Variants in INPP5D observed in about 807,000 individuals in gnomAD.
The protein encoded by INPP5D is inositol polyphosphate-5-phosphatase D.
INPP5D carries 33 observed loss-of-function variants against 122.9 expected under a neutral mutation model. That is an observed-to-expected ratio of 0.27 (90% CI 0.20 to 0.36). The LOEUF is 0.36. Among genes scored for constraint, INPP5D ranks in the 10% least tolerant of loss-of-function variants. The probability of loss-of-function intolerance (pLI) is 1.00; values close to 1 mark genes in which losing one functional copy is unlikely to be tolerated. For synonymous variants in INPP5D, 584 were observed against 576.2 expected, an observed-to-expected ratio of 1.01 and a Z score of -0.19; for missense variants, 1,053 against 1,412.7, an observed-to-expected ratio of 0.75 and a Z score of 4.08.
chr2:233,145,984 A>G (rs750194501), intron 6 of INPP5D, 178 bp from the exon 7 acceptor site: 36 of 700,978 alleles, frequency 5.1e-5, no homozygotes, highest in South Asian at 1.8e-4. Context: ...GGCCATGTGA[A>G]TTCTGAGAAG....
At chr2:233,182,969 A>G (rs1694821682) in intron 19 of INPP5D, among the ~76,000 whole-genome samples, 1 of 152,222 alleles carries the variant, frequency 6.6e-6, no homozygotes, top group African/African-American at 2.4e-5. Context: ...GTCTATTTAG[A>G]GAAAATATGA....
chr2:233,123,979 G>A (rs1266412803), intron 3 of INPP5D, among the ~76,000 whole-genome samples: 1 of 152,158 alleles, frequency 6.6e-6, no homozygotes, highest in Non-Finnish European at 1.5e-5. Context: ...GGTGGGAGGA[G>A]GGACAGGATC....
At chr2:233,125,120 G>A (rs1693118604) in intron 3 of INPP5D, among the ~76,000 whole-genome samples, 3 of 152,266 alleles carry the variant, frequency 2.0e-5, no homozygotes, top group Admixed American at 1.3e-4. Context: ...TCCTAAAGGC[G>A]ATGGGTGGGC....
intron 2 of INPP5D, chr2:233,120,502 A>G (rs1408139352): frequency 6.6e-6 from 1 of 152,268 alleles, no homozygotes; most frequent in Non-Finnish European, 1.5e-5. Context: ...TAAAATAAAC[A>G]ATCTGAAAGT....
At chr2:233,199,071 G>A (rs1403196609) in intron 25 of INPP5D, among the ~76,000 whole-genome samples, 2 of 151,680 alleles carry the variant, frequency 1.3e-5, no homozygotes, top group African/African-American at 2.4e-5. Context: ...CCAACGTGGT[G>A]AAACCCCGTC....
In INPP5D at chr2:233,189,768, ATCT is replaced by A; in HGVS notation, c.2359-79_2359-77del. On this transcript the variant is annotated intron_variant, in intron 21 of 26. Coordinates refer to ENST00000445964, the MANE Select transcript of INPP5D (RefSeq NM_001017915.3). The surrounding 1 kb of genome is among the most constrained non-coding windows in gnomAD (Gnocchi z 5.6). The stretch of plus-strand genomic sequence containing the variant: ...CTGATTACTAAGAACACCTTTCGTC[ATCT>A]TCATCCACTTGTCCACCCACCTGTC... 6.4e-7 allele frequency: 1 copy of A among 1,560,404 alleles called. No individual in the cohort carries two copies.
intron 14 of INPP5D, 36 bp downstream of exon 14, chr2:233,169,437 G>C: frequency 1.3e-6 from 2 of 1,561,736 alleles, no homozygotes. Context: ...GTGTGCATTT[G>C]GGCTGTCTGC....
chr2:233,179,543 G>A (rs867023229), intron 18 of INPP5D, among the ~76,000 whole-genome samples: 15 of 152,224 alleles, frequency 9.9e-5, no homozygotes, highest in Admixed American at 5.9e-4. Context: ...GGAGCAGGAA[G>A]GACACCCTTT....
At position 233,161,707 on chromosome 2, in the gene INPP5D, T is replaced by C. The variant is rs1256695653; in HGVS notation, c.1138-17T>C. On this transcript the variant is annotated splice_polypyrimidine_tract_variant and intron_variant, in intron 10 of 26. Coordinates refer to ENST00000445964, the MANE Select transcript of INPP5D (RefSeq NM_001017915.3). ...AGGCAGAGGCCTTTCTAAGTCTGTCTGCCCTTCCATCCCTAGAAGAGAGAA... is the reference window on the plus strand; with the variant it reads ...AGGCAGAGGCCTTTCTAAGTCTGTCCGCCCTTCCATCCCTAGAAGAGAGAA... 3 of 1,607,914 alleles carry C rather than the reference T, an allele frequency of 1.9e-6. No homozygotes were observed. In the South Asian group the frequency reaches 3.3e-5, roughly 18 times the overall value.
intron 9 of INPP5D, among the ~76,000 whole-genome samples, chr2:233,153,204 C>T (rs777212557): frequency 2.0e-5 from 3 of 152,134 alleles, no homozygotes; most frequent in Non-Finnish European, 2.9e-5. Flanking sequence ...TGGGGGCAAC[C>T]GCACAGTCCT....
chr2:233,135,467 G>C (rs1448044869), intron 5 of INPP5D, among the ~76,000 whole-genome samples: 1 of 152,050 alleles, frequency 6.6e-6, no homozygotes, highest in Non-Finnish European at 1.5e-5. Context: ...TGGAATTACA[G>C]TTGTGAGCCA....
At chr2:233,094,445 A>G in intron 2 of INPP5D, among the ~76,000 whole-genome samples, 1 of 129,148 alleles carries the variant, frequency 7.7e-6, no homozygotes, top group East Asian at 2.6e-4. Flanking sequence ...CCCGGCAGGT[A>G]GAGGTTGCAG....
intron 17 of INPP5D, among the ~76,000 whole-genome samples, chr2:233,175,585 A>C (rs1475069354): frequency 6.6e-6 from 1 of 152,084 alleles, no homozygotes; most frequent in Non-Finnish European, 1.5e-5. Flanking sequence ...AATGCATGGG[A>C]CTGTACACTT....
rs868602819 is a variant in INPP5D, at chr2:233,137,853, A to C, written c.666-1989A>C. ...ATCACAAAAAAAAAAAAAAAAAAAAAATATATATATATATATATATATATA... is the reference window on the plus strand; with the variant it reads ...ATCACAAAAAAAAAAAAAAAAAAAACATATATATATATATATATATATATA... On this transcript the variant is annotated intron_variant, in intron 5 of 26. Transcript: ENST00000445964. Among the ~76,000 whole-genome samples the C allele has an allele frequency of 1.4e-4, 4 of 27,732 alleles. 1 individual carries two copies. The highest frequency in any genetic ancestry group is 5.0e-4 in the African/African-American group (4 of 8,064). 18.2% of individuals were successfully genotyped at this position (27,732 alleles called of 152,430 possible). A position where few individuals can be genotyped will look rare whatever the true frequency, so the allele number is the denominator to read the frequency against.
rs1421681918 is a variant in INPP5D, at chr2:233,206,007, A to C, written c.3568-699A>C. Among the ~76,000 whole-genome samples the C allele has an allele frequency of 6.6e-6, 1 of 152,116 alleles. No individual in the cohort carries two copies. Among genetic ancestry groups the C allele is most frequent in the East Asian group, 1.9e-4 (1 of 5,178 alleles). ...GACAGGAGAATTGCTTGAACCCAGGAGGCGGAGGTTGCAGTGAACCGAGAT... is the reference window on the plus strand; with the variant it reads ...GACAGGAGAATTGCTTGAACCCAGGCGGCGGAGGTTGCAGTGAACCGAGAT... On this transcript the variant is annotated intron_variant, in intron 26 of 26. Coordinates refer to ENST00000445964, the MANE Select transcript of INPP5D (RefSeq NM_001017915.3). The surrounding 1 kb of genome is among the most constrained non-coding windows in gnomAD (Gnocchi z 4.0).
chr2:233,155,706 A>C (rs150035249), intron 9 of INPP5D, among the ~76,000 whole-genome samples: 1 of 151,592 alleles, frequency 6.6e-6, no homozygotes, highest in Admixed American at 6.6e-5. Flanking sequence ...CAAAATAATA[A>C]GTGTCAGTAA....
At chr2:233,179,051 G>A (rs555646606) in intron 18 of INPP5D, among the ~76,000 whole-genome samples, 71 of 152,282 alleles carry the variant, frequency 4.7e-4, no homozygotes, top group Admixed American at 1.2e-3. Context: ...TTTAACACAC[G>A]CACCCTGCAT....
At chr2:233,187,388 G>T (rs1694947675) in intron 21 of INPP5D, among the ~76,000 whole-genome samples, 1 of 152,182 alleles carries the variant, frequency 6.6e-6, no homozygotes, top group South Asian at 2.1e-4. Flanking sequence ...ACAGGAGGTG[G>T]GGCGTCTTGG....
At chr2:233,111,270 C>T (rs141383448) in intron 2 of INPP5D, among the ~76,000 whole-genome samples, 1 of 152,202 alleles carries the variant, frequency 6.6e-6, no homozygotes, top group East Asian at 1.9e-4. Flanking sequence ...TTAGATCCTT[C>T]GTTCAAATGT....
Sources: allele counts gnomAD v4.1 joint callset (sites outside exome capture counted in the v4.1 genomes callset), GRCh38; gene constraint gnomAD v4.1.1; non-coding constraint Gnocchi (gnomAD v3.1); transcripts MANE v1.5; gene names NCBI Gene and HGNC (gene_info 2026-07-23, HGNC 2026-07-21).